The following TP63 variants were observed in gnomAD, a reference collection of about 807,000 sequenced individuals.
TP63 encodes tumor protein p63, also known as tumor protein 63.
TP63 carries 17 observed loss-of-function variants against 82.8 expected under a neutral mutation model. That is an observed-to-expected ratio of 0.21 (90% CI 0.14 to 0.31). The LOEUF is 0.31. Ranked by LOEUF, TP63 falls within the 10% of genes least tolerant of loss-of-function variation. The pLI is 1.00. For missense variants in TP63, 648 were observed against 895.3 expected (o/e 0.72, Z 3.52); for synonymous variants, 330 against 321.7 (o/e 1.03, Z -0.28).
At chr3:189,602,980 A>AT in the TP63 span, among the ~76,000 whole-genome samples, 2 of 152,214 alleles carry the variant, frequency 1.3e-5, no homozygotes, top group East Asian at 3.8e-4. Context: ...TTATAAATTC[A>AT]TTTATAAACT....
chr3:189,792,209 C>A (rs904396729), intron 3 of TP63, among the ~76,000 whole-genome samples: 1 of 151,776 alleles, frequency 6.6e-6, no homozygotes. Flanking sequence ...GGAAATGGTC[C>A]GGAAGGGAGG....
At chr3:189,811,689 G>A (rs1727586894) in intron 4 of TP63, among the ~76,000 whole-genome samples, 1 of 152,172 alleles carries the variant, frequency 6.6e-6, no homozygotes, top group Admixed American at 6.5e-5. Context: ...TCATAACCAA[G>A]TTTGTAATCC....
At chr3:189,812,613 A>G (rs767468718) in intron 4 of TP63, among the ~76,000 whole-genome samples, 4 of 152,298 alleles carry the variant, frequency 2.6e-5, no homozygotes, top group East Asian at 3.9e-4. Flanking sequence ...CAAAAATTCA[A>G]TCTCTCTAAA....
At chr3:189,823,384 T>TA (rs1364308847) in intron 4 of TP63, among the ~76,000 whole-genome samples, 3 of 152,188 alleles carry the variant, frequency 2.0e-5, no homozygotes, top group African/African-American at 7.2e-5. Context: ...TAAAGTAGAT[T>TA]AACCTGACAG....
intron 3 of TP63, among the ~76,000 whole-genome samples, chr3:189,800,423 A>G (rs1385664550): frequency 6.6e-6 from 1 of 151,428 alleles, no homozygotes; most frequent in Non-Finnish European, 1.5e-5. Flanking sequence ...CTTTGCAATT[A>G]TACCCATTCT....
chr3:189,762,370 G>A (rs1231134091), intron 3 of TP63, among the ~76,000 whole-genome samples: 13 of 152,068 alleles, frequency 8.5e-5, no homozygotes, highest in Admixed American at 8.5e-4. Flanking sequence ...TGGTTTGTAG[G>A]GCATGACTCC....
intron 1 of TP63, among the ~76,000 whole-genome samples, chr3:189,734,008 G>A (rs189753734): frequency 2.0e-5 from 3 of 151,836 alleles, no homozygotes; most frequent in East Asian, 1.9e-4. Flanking sequence ...ACCTCATAGA[G>A]ACATAGTTTT....
At chr3:189,614,852 C>A in the TP63 span, among the ~76,000 whole-genome samples, 4 of 152,266 alleles carry the variant, frequency 2.6e-5, no homozygotes, top group East Asian at 3.9e-4. Context: ...CTTTGGGAAC[C>A]GAACTGGACA....
intron 4 of TP63, chr3:189,830,130 T>C (rs1393759956): frequency 5.7e-6 from 1 of 174,052 alleles, no homozygotes; most frequent in Non-Finnish European, 1.4e-5. Flanking sequence ...ATTGGACTGT[T>C]GGTTATAGAA....
chr3:189,725,822 G>A (rs1719734951), intron 1 of TP63, among the ~76,000 whole-genome samples: 1 of 152,210 alleles, frequency 6.6e-6, no homozygotes. Flanking sequence ...TGGAGAGGCT[G>A]AGGTGGGCAG....
At chr3:189,654,290 G>A (rs1431145448) in intron 1 of TP63, among the ~76,000 whole-genome samples, 1 of 151,126 alleles carries the variant, frequency 6.6e-6, no homozygotes, top group East Asian at 1.9e-4. Flanking sequence ...AATCAAAATG[G>A]CAGGACTCAT....
intron 1 of TP63, among the ~76,000 whole-genome samples, chr3:189,698,378 A>C (rs916071788): frequency 1.3e-5 from 2 of 152,118 alleles, no homozygotes; most frequent in African/African-American, 4.8e-5. Flanking sequence ...ATAATTACTC[A>C]TTTACTCCTT....
rs527799375 is a variant in TP63, at chr3:189,644,055, G to A, written c.62+12478G>A. ...TCCCTTTTGATTGCCTTCCCACAAT[G>A]TTGTCTTACAGTCCCTCTGCCTTTT... On this transcript the variant is annotated intron_variant, in intron 1 of 13. Coordinates refer to ENST00000264731, the MANE Select transcript of TP63 (RefSeq NM_003722.5). Among the ~76,000 whole-genome samples the A allele has an allele frequency of 5.3e-5, 8 of 152,184 alleles. No homozygotes were observed. The South Asian group carries it at 1.7e-3, about 32-fold the overall frequency.
chr3:189,698,592 C>T (rs963894527), intron 1 of TP63, among the ~76,000 whole-genome samples: 5 of 152,078 alleles, frequency 3.3e-5, no homozygotes, highest in African/African-American at 4.8e-5. Flanking sequence ...CTTTACATTG[C>T]CTATCTGTAA....
chr3:189,672,702 AAGGAAAGAAGGAAGGCAGGC>A (rs1185025768), intron 1 of TP63, among the ~76,000 whole-genome samples: 105 of 150,024 alleles, frequency 7.0e-4, no homozygotes, highest in Non-Finnish European at 9.4e-4. Flanking sequence ...GGAAGGAAGG[AAGGAAAGAAGGAAGGCAGGC>A]AGGCAGGTAA....
At chr3:189,669,636 T>G (rs1406759966) in intron 1 of TP63, among the ~76,000 whole-genome samples, 1 of 152,068 alleles carries the variant, frequency 6.6e-6, no homozygotes, top group African/African-American at 2.4e-5. Flanking sequence ...CCCCATAAGC[T>G]TATTACATTT....
chr3:189,746,806 C>A (rs1721410379), intron 3 of TP63, among the ~76,000 whole-genome samples: 1 of 149,474 alleles, frequency 6.7e-6, no homozygotes, highest in South Asian at 2.1e-4. Flanking sequence ...ATATATATTT[C>A]AATATATTTT....
At chr3:189,639,410 G>T (rs13080835) in intron 1 of TP63, among the ~76,000 whole-genome samples, 67,917 of 151,648 alleles carry the variant, frequency 0.45, 15,789 homozygotes, top group East Asian at 0.51. Context: ...ATTAATTCTT[G>T]CTCCATCCTT....
At chr3:189,787,832 G>T (rs1724736196) in intron 3 of TP63, among the ~76,000 whole-genome samples, 1 of 151,196 alleles carries the variant, frequency 6.6e-6, no homozygotes, top group Admixed American at 6.6e-5. Context: ...CGCCTAGCAG[G>T]CTGTATAAAA....
Sources: gnomAD v4.1 joint callset for allele counts (sites outside exome capture counted in the v4.1 genomes callset) on GRCh38, gnomAD v4.1.1 for gene constraint, MANE v1.5 for transcripts, NCBI Gene and HGNC (gene_info 2026-07-23, HGNC 2026-07-21) for gene names.